The following GPBP1L1 variants were observed in gnomAD, a reference collection of about 807,000 sequenced individuals.
The protein encoded by GPBP1L1 is GC-rich promoter binding protein 1 like 1, also known as vasculin-like protein 1.
In GPBP1L1, 23 loss-of-function variants were observed where a neutral mutation model predicts 52.5. That is an observed-to-expected ratio of 0.44 (90% CI 0.32 to 0.62). The LOEUF is 0.62. Among genes scored for constraint, GPBP1L1 ranks in the 20% least tolerant of loss-of-function variants. GPBP1L1 has a pLI of 0.06. For synonymous variants in GPBP1L1, 243 were observed against 203.1 expected (o/e 1.20, Z -1.67); for missense variants, 596 against 579.3 (o/e 1.03, Z -0.30).
At chr1:45,644,992 A>G (rs972766682) in intron 6 of GPBP1L1, among the ~76,000 whole-genome samples, 6 of 152,188 alleles carry the variant, frequency 3.9e-5, no homozygotes, top group Non-Finnish European at 8.8e-5. Flanking sequence ...ATTTAAATCC[A>G]ATTTGATGTG....
intron 8 of GPBP1L1, 88 bp downstream of exon 8, chr1:45,640,122 G>A (rs749423445): frequency 7.7e-5 from 76 of 984,306 alleles, no homozygotes; most frequent in Non-Finnish European, 1.0e-4. Flanking sequence ...TGACTGATGC[G>A]GCAAGAAAAA....
intron 6 of GPBP1L1, among the ~76,000 whole-genome samples, chr1:45,649,413 G>A (rs1345345108): frequency 1.3e-5 from 2 of 150,818 alleles, no homozygotes; most frequent in African/African-American, 2.4e-5. Context: ...AGGTTTACAT[G>A]TTGTTTTTAG....
At chr1:45,655,598 T>G (rs1330243835) in intron 4 of GPBP1L1, 1 of 249,724 alleles carries the variant, frequency 4.0e-6, no homozygotes, top group Admixed American at 5.3e-5. Context: ...AAAAAAGCCT[T>G]GCAAATATTC....
chr1:45,633,946 G>T, intron 9 of GPBP1L1, 150 bp downstream of exon 9: 2 of 914,438 alleles, frequency 2.2e-6, no homozygotes, highest in East Asian at 2.6e-5. Flanking sequence ...GCCCACTTTT[G>T]GATGCTAACA....
chr1:45,645,059 C>T (rs1644725877), intron 6 of GPBP1L1, among the ~76,000 whole-genome samples: 1 of 152,126 alleles, frequency 6.6e-6, no homozygotes, highest in African/African-American at 2.4e-5. Flanking sequence ...CCATGTTTGG[C>T]CTATGGAACC....
At chr1:45,637,334 G>A (rs1413258919) in intron 8 of GPBP1L1, among the ~76,000 whole-genome samples, 1 of 151,834 alleles carries the variant, frequency 6.6e-6, no homozygotes, top group Non-Finnish European at 1.5e-5. Flanking sequence ...CATATCCTAC[G>A]TACCCAGAAC....
intron 2 of GPBP1L1, among the ~76,000 whole-genome samples, chr1:45,682,700 AAAAT>A (rs1645225532): frequency 6.6e-6 from 1 of 152,348 alleles, no homozygotes; most frequent in South Asian, 2.1e-4. Context: ...TTAGTAAAGA[AAAAT>A]AATAGGCTCT....
intron 2 of GPBP1L1, among the ~76,000 whole-genome samples, chr1:45,668,825 T>A (rs953914500): frequency 6.8e-6 from 1 of 146,524 alleles, no homozygotes; most frequent in Non-Finnish European, 1.5e-5. Context: ...ATTTAAAACT[T>A]AGCCAGGCAT....
At chr1:45,661,387 T>C (rs1644945485) in intron 2 of GPBP1L1, among the ~76,000 whole-genome samples, 162 bp from the exon 3 acceptor site, 2 of 151,966 alleles carry the variant, frequency 1.3e-5, no homozygotes, top group African/African-American at 4.8e-5. Flanking sequence ...TCACCACCTA[T>C]ACCAACAAGA....
At chr1:45,649,722 A>G (rs1007883039) in intron 6 of GPBP1L1, among the ~76,000 whole-genome samples, 1 of 152,200 alleles carries the variant, frequency 6.6e-6, no homozygotes, top group African/African-American at 2.4e-5. Flanking sequence ...TATAAAATAT[A>G]CTCAATTCTA....
At chr1:45,632,064 CA>C (rs564855214) in intron 10 of GPBP1L1, among the ~76,000 whole-genome samples, 6 of 151,810 alleles carry the variant, frequency 4.0e-5, no homozygotes, top group Admixed American at 2.0e-4. Flanking sequence ...CTACTACATA[CA>C]AAAAAAATTC....
At chr1:45,683,383 T>G (rs1360217888) in intron 2 of GPBP1L1, among the ~76,000 whole-genome samples, 1 of 151,074 alleles carries the variant, frequency 6.6e-6, no homozygotes, top group African/African-American at 2.4e-5. Context: ...TTTTTTGTAT[T>G]TTTAGTAGAG....
In GPBP1L1 at chr1:45,641,464, A is replaced by G. The variant is rs906084793; in HGVS notation, c.550+963T>C. Among the ~76,000 whole-genome samples, 12 of 135,176 alleles carry G rather than the reference A, an allele frequency of 8.9e-5. No homozygotes were observed. The Admixed American group carries it at 9.6e-4, about 11-fold the overall frequency. The allele number at this position is 135,176 out of a possible 152,430, so 88.7% of individuals were successfully genotyped here. A position where few individuals can be genotyped will look rare whatever the true frequency, so the allele number is the denominator to read the frequency against. On this transcript the variant is annotated intron_variant, in intron 7 of 12. Transcript: ENST00000355105. ...TATATACACACACATACACATAAAC[A>G]CACACACACACACACACACACACGA...
chr1:45,630,793 T>C (rs1644520696), intron 10 of GPBP1L1, 187 bp from the exon 11 acceptor site: 1 of 594,488 alleles, frequency 1.7e-6, no homozygotes, highest in Non-Finnish European at 2.9e-6. Context: ...AAAGTTTTAA[T>C]GAAAAGGCAA....
rs1644667442 is a variant in GPBP1L1 at position 45,641,203 on chromosome 1, T to G, written c.551-800A>C. On this transcript the variant is annotated intron_variant, in intron 7 of 12. Transcript: ENST00000355105. The stretch of plus-strand genomic sequence containing the variant: ...TCGATCAATCTTAATCCTACAATAC[T>G]GGATTCTAAACCCATCATTTAGATA... Among the ~76,000 whole-genome samples, 2 of 152,148 alleles carry G rather than the reference T, an allele frequency of 1.3e-5. 1 individual carries two copies. The highest frequency in any genetic ancestry group is 4.2e-4 in the South Asian group (2 of 4,812).
chr1:45,687,373 T>A (rs1645303746), upstream of GPBP1L1: 1 of 152,282 alleles, frequency 6.6e-6, no homozygotes, highest in Non-Finnish European at 1.5e-5. Flanking sequence ...AAGGAAGACT[T>A]CGCTGTGGCT....
chr1:45,661,608 AC>A (rs1271896996), intron 2 of GPBP1L1, among the ~76,000 whole-genome samples: 1 of 152,008 alleles, frequency 6.6e-6, no homozygotes, highest in Non-Finnish European at 1.5e-5. Context: ...GGTGTGCACT[AC>A]CATGCCCAGC....
At chr1:45,641,443 T>C (rs1276415953) in intron 7 of GPBP1L1, among the ~76,000 whole-genome samples, 3 of 150,232 alleles carry the variant, frequency 2.0e-5, no homozygotes, top group African/African-American at 7.4e-5. Context: ...AACATATATA[T>C]ACACACACAT....
intron 8 of GPBP1L1, chr1:45,635,713 T>G (rs1321020203): frequency 6.6e-6 from 1 of 152,186 alleles, no homozygotes; most frequent in East Asian, 1.9e-4. Flanking sequence ...TTTTTAAATG[T>G]TCTCTCCTTT....
Sources: allele counts gnomAD v4.1 joint callset (sites outside exome capture counted in the v4.1 genomes callset), GRCh38; gene constraint gnomAD v4.1.1; transcripts MANE v1.5; gene names NCBI Gene and HGNC (gene_info 2026-07-23, HGNC 2026-07-21).